Variants in ARNT2 observed in about 807,000 individuals in gnomAD.
The protein encoded by ARNT2 is ARNT protein 2.
A neutral mutation model predicts 91.7 loss-of-function variants in ARNT2; 36 were observed. That is an observed-to-expected ratio of 0.39 (90% CI 0.30 to 0.52). ARNT2 has a LOEUF of 0.52. Among genes scored for constraint, ARNT2 ranks in the 20% least tolerant of loss-of-function variants. The pLI is 0.72. For synonymous variants in ARNT2, 365 were observed against 347.1 expected (o/e 1.05, Z -0.57); for missense variants, 775 against 939.3 (o/e 0.83, Z 2.29).
intron 1 of ARNT2, among the ~76,000 whole-genome samples, chr15:80,448,984 C>CA (rs887859794): frequency 2.1e-4 from 32 of 150,442 alleles, no homozygotes; most frequent in East Asian, 3.9e-4. Context: ...GACTCCGTCT[C>CA]AAAAAAAACA....
chr15:80,456,250 T>C (rs913627678), intron 2 of ARNT2, among the ~76,000 whole-genome samples: 5 of 149,478 alleles, frequency 3.3e-5, no homozygotes, highest in South Asian at 2.2e-4. Flanking sequence ...TCTCTCTTAG[T>C]GGTGTCTGTA....
chr15:80,449,642 T>A (rs963593911), intron 1 of ARNT2, among the ~76,000 whole-genome samples: 11 of 152,192 alleles, frequency 7.2e-5, no homozygotes, highest in African/African-American at 2.2e-4. Flanking sequence ...AATTGTATTG[T>A]GTATTGTAAA....
chr15:80,512,218 G>T (rs897249167), intron 6 of ARNT2, among the ~76,000 whole-genome samples: 2 of 152,208 alleles, frequency 1.3e-5, no homozygotes, highest in Admixed American at 1.3e-4. Context: ...GGTTGCCTGT[G>T]CTGAGGGGAG....
chr15:80,406,820 C>T (rs1248349436), intron 1 of ARNT2, among the ~76,000 whole-genome samples: 1 of 152,192 alleles, frequency 6.6e-6, no homozygotes, highest in East Asian at 1.9e-4. Context: ...GAGGTGATCA[C>T]CTTTCCTTTT....
At chr15:80,532,115 A>G (rs1241842680) in intron 8 of ARNT2, among the ~76,000 whole-genome samples, 1 of 152,220 alleles carries the variant, frequency 6.6e-6, no homozygotes, top group Non-Finnish European at 1.5e-5. Context: ...TAATGACCAC[A>G]GCAACACTAT....
At chr15:80,550,908 T>C (rs1249771488) in intron 8 of ARNT2, among the ~76,000 whole-genome samples, 1 of 152,276 alleles carries the variant, frequency 6.6e-6, no homozygotes, top group Non-Finnish European at 1.5e-5. Context: ...AATAAATGTT[T>C]TGTCCAAGTT....
At chr15:80,552,488 G>C in intron 9 of ARNT2, 152 bp from the exon 10 acceptor site, 1 of 926,628 alleles carries the variant, frequency 1.1e-6, no homozygotes, top group East Asian at 2.6e-5. Flanking sequence ...TGTGACCAGG[G>C]ATAGATATTT....
In ARNT2 at chr15:80,454,122, G is replaced by A. The variant is rs533875331; in HGVS notation, c.146+3128G>A. On this transcript the variant is annotated intron_variant, in intron 2 of 18. Transcript: ENST00000303329. ...GCTCTCCCAGCATTTGGGACTCAAGGTGGAGGTTCCAAAGTCCCAGATTCT... is the reference window on the plus strand; with the variant it reads ...GCTCTCCCAGCATTTGGGACTCAAGATGGAGGTTCCAAAGTCCCAGATTCT... 4.6e-5 allele frequency among the ~76,000 whole-genome samples: 7 copies of A among 152,340 alleles called. No homozygotes were observed. The South Asian group carries it at 1.2e-3, about 27-fold the overall frequency.
intron 5 of ARNT2, among the ~76,000 whole-genome samples, chr15:80,502,065 C>T (rs559601734): frequency 6.6e-6 from 1 of 152,326 alleles, no homozygotes; most frequent in South Asian, 2.1e-4. Context: ...AGTGCTCTAA[C>T]AACTGGGTCC....
chr15:80,460,958 G>T (rs1325032688), intron 3 of ARNT2, among the ~76,000 whole-genome samples: 1 of 152,168 alleles, frequency 6.6e-6, no homozygotes, highest in African/African-American at 2.4e-5. Flanking sequence ...GGAGCTGCAG[G>T]TGAGGCCAAG....
rs561826522 is a variant in ARNT2 at position 80,509,057 on chromosome 15, C to A, written c.725+799C>A. Among the ~76,000 whole-genome samples the A allele has an allele frequency of 5.3e-5, 8 of 152,274 alleles. No homozygotes were observed. The East Asian group carries it at 1.5e-3, about 29-fold the overall frequency. ...GGCAGTGATGTGAGGTGATGCCACT[C>A]ATCATTCATTTATTTAGTTATTCAA... On this transcript the variant is annotated intron_variant, in intron 6 of 18. Transcript: ENST00000303329.
At chr15:80,562,077 TTC>T (rs1194735467) in intron 11 of ARNT2, among the ~76,000 whole-genome samples, 1 of 124,246 alleles carries the variant, frequency 8.0e-6, no homozygotes, top group African/African-American at 3.1e-5. Flanking sequence ...TTCTTCTTCC[TTC>T]TTTTTTTTTT....
At chr15:80,425,976 G>T (rs550894113) in intron 1 of ARNT2, among the ~76,000 whole-genome samples, 1 of 151,970 alleles carries the variant, frequency 6.6e-6, no homozygotes, top group East Asian at 1.9e-4. Flanking sequence ...TAGAAGGATC[G>T]CTTGAGCTCA....
chr15:80,410,981 G>A (rs983178601), intron 1 of ARNT2, among the ~76,000 whole-genome samples: 2 of 152,052 alleles, frequency 1.3e-5, no homozygotes, highest in African/African-American at 4.8e-5. Flanking sequence ...TTCCAATTGA[G>A]GGCTCTTGTT....
intron 10 of ARNT2, chr15:80,554,660 G>A (rs1898144730): frequency 1.2e-5 from 2 of 164,060 alleles, no homozygotes; most frequent in East Asian, 1.6e-4. Context: ...AGCCACAGGA[G>A]AGCTACAATT....
intron 1 of ARNT2, among the ~76,000 whole-genome samples, chr15:80,432,729 G>A (rs940568220): frequency 3.3e-5 from 5 of 152,018 alleles, no homozygotes; most frequent in African/African-American, 7.2e-5. Flanking sequence ...TGAACAGAGA[G>A]CTTGTCCTCC....
rs1230396703 is a variant in ARNT2 at position 80,597,220 on chromosome 15, C to A, written c.*3522C>A. 1.9e-6 allele frequency: 1 copy of A among 518,486 alleles called. No individual in the cohort carries two copies. The highest frequency in any genetic ancestry group is 3.8e-6 in the Non-Finnish European group (1 of 259,820). 32.1% of individuals were successfully genotyped at this position (518,486 alleles called of 1,614,324 possible). A position where few individuals can be genotyped will look rare whatever the true frequency, so the allele number is the denominator to read the frequency against. On this transcript the variant is annotated 3_prime_UTR_variant, in exon 19 of 19. Transcript: ENST00000303329. ...GGAATGAATGGTGGTCTCCCCACTC[C>A]CGGCAGCACTTTAGGCAGCCCATAA...
chr15:80,437,042 T>G (rs1217253177), intron 1 of ARNT2, among the ~76,000 whole-genome samples: 2 of 152,174 alleles, frequency 1.3e-5, no homozygotes, highest in African/African-American at 4.8e-5. Context: ...TCACACAGCT[T>G]GTCCTGGCTG....
intron 5 of ARNT2, among the ~76,000 whole-genome samples, chr15:80,498,240 G>C (rs1194940482): frequency 6.6e-6 from 1 of 152,188 alleles, no homozygotes; most frequent in African/African-American, 2.4e-5. Flanking sequence ...CTGAGGGGCT[G>C]TTGGATCATT....
Sources: gnomAD v4.1 joint callset for allele counts (sites outside exome capture counted in the v4.1 genomes callset) on GRCh38, gnomAD v4.1.1 for gene constraint, MANE v1.5 for transcripts, NCBI Gene and HGNC (gene_info 2026-07-23, HGNC 2026-07-21) for gene names.